Variants in GRK5 observed in about 807,000 individuals in gnomAD.
The protein encoded by GRK5 is G protein-coupled receptor kinase 5.
In GRK5, 40 loss-of-function variants were observed where a neutral mutation model predicts 78.4. That is an observed-to-expected ratio of 0.51 (90% CI 0.40 to 0.66). The LOEUF is 0.66. GRK5 is among the 30% of genes least tolerant of loss of function. GRK5 has a pLI of 0.00. For synonymous variants in GRK5, 289 were observed against 296.8 expected (o/e 0.97, Z 0.27); for missense variants, 598 against 759.9 (o/e 0.79, Z 2.50).
At chr10:119,426,482 G>T (rs1181076878) in intron 6 of GRK5, among the ~76,000 whole-genome samples, 1 of 152,166 alleles carries the variant, frequency 6.6e-6, no homozygotes, top group Non-Finnish European at 1.5e-5. Context: ...CTCAGAAAGG[G>T]TCACTCACGA....
intron 2 of GRK5, among the ~76,000 whole-genome samples, chr10:119,327,334 A>C (rs1850696310): frequency 6.6e-6 from 1 of 152,136 alleles, no homozygotes; most frequent in Non-Finnish European, 1.5e-5. Context: ...GACAGGCATG[A>C]TGTGAGGCCC....
At chr10:119,322,430 C>T (rs781076811) in intron 1 of GRK5, among the ~76,000 whole-genome samples, 24 of 152,222 alleles carry the variant, frequency 1.6e-4, no homozygotes, top group Non-Finnish European at 3.1e-4. Flanking sequence ...GGGAGGCCGT[C>T]GCTGGGGTTG....
intron 1 of GRK5, among the ~76,000 whole-genome samples, chr10:119,215,218 CAT>C (rs976722952): frequency 7.2e-5 from 11 of 152,198 alleles, no homozygotes; most frequent in Non-Finnish European, 1.2e-4. Context: ...ATGCAAACCA[CAT>C]GTCTAGTGCT....
At chr10:119,255,018 G>A (rs571705722) in intron 1 of GRK5, among the ~76,000 whole-genome samples, 114 of 129,128 alleles carry the variant, frequency 8.8e-4, no homozygotes, top group Admixed American at 1.7e-3. Flanking sequence ...CAGCCTGGGC[G>A]ACAGAGCAAG....
intron 1 of GRK5, among the ~76,000 whole-genome samples, chr10:119,306,566 G>A (rs754689947): frequency 1.3e-5 from 2 of 152,146 alleles, no homozygotes; most frequent in Non-Finnish European, 2.9e-5. Context: ...GAAGGAAGCC[G>A]GGGTCCTGGC....
intron 1 of GRK5, among the ~76,000 whole-genome samples, chr10:119,270,941 A>ACCT (rs1849573179): frequency 6.6e-6 from 1 of 152,222 alleles, no homozygotes; most frequent in Non-Finnish European, 1.5e-5. Flanking sequence ...GCGGAACACA[A>ACCT]ATGTGGAATT....
At position 119,370,668 on chromosome 10, in the gene GRK5, C is replaced by T. The variant is rs185732188; in HGVS notation, c.149-10147C>T. Among the ~76,000 whole-genome samples the T allele has an allele frequency of 1.5e-3, 230 of 152,292 alleles. 2 individuals are homozygous for T. Among genetic ancestry groups the T allele is most frequent in the African/African-American group, 5.2e-3 (214 of 41,548 alleles). Reference sequence around the variant, plus strand: ...CAGAGAGCTTTTTCCTCGGAGCAAACGCCCGATTGTTTTTTCCAGCTTTGG... The same window carrying T: ...CAGAGAGCTTTTTCCTCGGAGCAAATGCCCGATTGTTTTTTCCAGCTTTGG... On this transcript the variant is annotated intron_variant, in intron 2 of 15. Transcript: ENST00000392870.
intron 1 of GRK5, among the ~76,000 whole-genome samples, chr10:119,318,320 C>G (rs1030015708): frequency 6.6e-6 from 1 of 152,284 alleles, no homozygotes; most frequent in East Asian, 1.9e-4. Context: ...ACCTACGTCA[C>G]GGGGGTGATG....
intron 1 of GRK5, among the ~76,000 whole-genome samples, chr10:119,209,650 A>G (rs1398340317): frequency 6.6e-6 from 1 of 151,772 alleles, no homozygotes; most frequent in African/African-American, 2.4e-5. Context: ...CAGCCTTTGC[A>G]GCTGGCCACC....
chr10:119,342,018 A>G (rs769386294), intron 2 of GRK5, among the ~76,000 whole-genome samples: 1 of 151,842 alleles, frequency 6.6e-6, no homozygotes, highest in Non-Finnish European at 1.5e-5. Flanking sequence ...GGCGTGGGAG[A>G]GTTATGGGGA....
intron 1 of GRK5, among the ~76,000 whole-genome samples, chr10:119,313,069 TG>T: frequency 6.6e-6 from 1 of 151,178 alleles, no homozygotes; most frequent in African/African-American, 2.4e-5. Flanking sequence ...ATGGTGGTGG[TG>T]ATGGTGGTGG....
intron 1 of GRK5, among the ~76,000 whole-genome samples, chr10:119,221,157 G>GA (rs74495139): frequency 0.029 from 4,221 of 144,580 alleles, 196 homozygotes; most frequent in African/African-American, 0.1. Context: ...CTATATCTCG[G>GA]AAAAAAAAAA....
At chr10:119,229,457 C>T (rs897106042) in intron 1 of GRK5, among the ~76,000 whole-genome samples, 2 of 152,168 alleles carry the variant, frequency 1.3e-5, no homozygotes, top group African/African-American at 4.8e-5. Flanking sequence ...CCTGTTATCT[C>T]TGTCTAGTGA....
chr10:119,280,154 C>T (rs1008978516), intron 1 of GRK5, among the ~76,000 whole-genome samples: 2 of 152,174 alleles, frequency 1.3e-5, no homozygotes, highest in Non-Finnish European at 2.9e-5. Context: ...GAGGCTTCTC[C>T]CTGGCCGTGC....
intron 10 of GRK5, among the ~76,000 whole-genome samples, 196 bp from the exon 11 acceptor site, chr10:119,441,803 G>T (rs746552498): frequency 1.6e-4 from 24 of 152,304 alleles, no homozygotes; most frequent in Admixed American, 3.3e-4. Flanking sequence ...TGAAGAGTGG[G>T]CATTTTCCTG....
At chr10:119,440,446 C>T (rs1457556638) in intron 10 of GRK5, among the ~76,000 whole-genome samples, 1 of 151,762 alleles carries the variant, frequency 6.6e-6, no homozygotes, top group Non-Finnish European at 1.5e-5. Context: ...GGCGTGATCT[C>T]GGCCTACTGC....
chr10:119,367,377 C>T (rs1036739358), intron 2 of GRK5, among the ~76,000 whole-genome samples: 5 of 152,192 alleles, frequency 3.3e-5, no homozygotes, highest in Non-Finnish European at 7.3e-5. Flanking sequence ...CGAAGCCTAG[C>T]CCTTCTTGAG....
chr10:119,394,300 G>GTGTGTGTGTGTGTGTGGGGGTGTGTA (rs1851966501), intron 3 of GRK5, among the ~76,000 whole-genome samples: 2 of 9,412 alleles, frequency 2.1e-4, no homozygotes, highest in African/African-American at 3.8e-4. Context: ...GTATCTGTGT[G>GTGTGTGTGTGTGTGTGGGGGTGTGTA]TCTGTGTGGG....
chr10:119,446,616 CAG>C lies in GRK5; in HGVS notation c.1267-1506_1267-1505del, dbSNP rs557368258. Among the ~76,000 whole-genome samples the C allele has an allele frequency of 5.5e-3, 834 of 152,336 alleles. 6 individuals carry two copies. Among genetic ancestry groups the C allele is most frequent in the African/African-American group, 0.019 (788 of 41,576 alleles). On this transcript the variant is annotated intron_variant, in intron 12 of 15. Coordinates refer to ENST00000392870, the MANE Select transcript of GRK5 (RefSeq NM_005308.3). ...CCCAGTGCCTTGAGCCTTTGTTGAA[CAG>C]TGAAGCCCCCAGAGAGAGAAGCAGA... is the stretch of plus-strand genomic sequence containing the variant.
Sources: gnomAD v4.1 joint callset for allele counts (sites outside exome capture counted in the v4.1 genomes callset) on GRCh38, gnomAD v4.1.1 for gene constraint, MANE v1.5 for transcripts, NCBI Gene and HGNC (gene_info 2026-07-23, HGNC 2026-07-21) for gene names.